Variants in FMO3 observed in about 807,000 individuals in gnomAD.
The protein encoded by FMO3 is flavin-containing monooxygenase 3.
FMO3 carries 40 observed loss-of-function variants against 39.4 expected under a neutral mutation model. The ratio of observed to expected loss-of-function variants is 1.02; its 90% CI spans 0.79 to 1.32. FMO3 has a LOEUF of 1.32. Ranked by LOEUF, FMO3 falls within the 40% of genes most tolerant of loss-of-function variation. The probability of loss-of-function intolerance (pLI) is 0.00; values close to 1 mark genes in which losing one functional copy is unlikely to be tolerated. For synonymous variants in FMO3, 219 were observed against 228.8 expected (o/e 0.96, Z 0.39); for missense variants, 680 against 651.8 (o/e 1.04, Z -0.47).
chr1:171,109,071 A>G (rs2101915059), intron 5 of FMO3, among the ~76,000 whole-genome samples: 1 of 152,314 alleles, frequency 6.6e-6, no homozygotes, highest in South Asian at 2.1e-4. Context: ...AATTTGTATG[A>G]TGCATTATGG....
intron 6 of FMO3, 56 bp downstream of exon 6, chr1:171,111,053 C>G: frequency 5.1e-6 from 7 of 1,377,044 alleles, no homozygotes; most frequent in East Asian, 2.3e-5. Flanking sequence ...TGTCAACAAC[C>G]CTTAATGTCC....
chr1:171,111,899 T>C (rs931759411), intron 6 of FMO3, among the ~76,000 whole-genome samples: 2 of 152,286 alleles, frequency 1.3e-5, no homozygotes. Flanking sequence ...TAAGATCATA[T>C]GGCGATGTGT....
chr1:171,106,447 T>C (rs1388848681), intron 3 of FMO3, among the ~76,000 whole-genome samples: 1 of 152,152 alleles, frequency 6.6e-6, no homozygotes, highest in Non-Finnish European at 1.5e-5. Flanking sequence ...GTCTTAGAAA[T>C]TTTGTAATTG....
At chr1:171,108,336 A>G in intron 5 of FMO3, 115 bp downstream of exon 5, 1 of 1,284,920 alleles carries the variant, frequency 7.8e-7, no homozygotes, top group South Asian at 1.3e-5. Flanking sequence ...TGTAAAGACT[A>G]AGTGGTATTT....
Position 171,116,092 on chromosome 1 carries a change from G to A in FMO3, c.1184-116G>A, listed in dbSNP as rs559268945. On this transcript the variant is annotated intron_variant, in intron 7 of 8. Transcript: ENST00000367755. ...AAGACTAGAACTGAATTTGGTGTCT[G>A]TCTGAAAATGAACACCAATTAATGT... 4.1e-5 allele frequency: 29 copies of A among 710,282 alleles called. 1 individual carries two copies. The highest frequency in any genetic ancestry group is 4.0e-4 in the African/African-American group (23 of 57,186). The allele number at this position is 710,282 out of a possible 1,614,324, so 44.0% of individuals were successfully genotyped here. A position where few individuals can be genotyped will look rare whatever the true frequency, so the allele number is the denominator to read the frequency against.
chr1:171,097,686 T>C (rs1655172938), intron 2 of FMO3, among the ~76,000 whole-genome samples: 1 of 149,516 alleles, frequency 6.7e-6, no homozygotes, highest in Non-Finnish European at 1.5e-5. Flanking sequence ...AGATTCTAGA[T>C]ATTAGCCCTT....
chr1:171,105,061 T>TA (rs201638516), intron 3 of FMO3, among the ~76,000 whole-genome samples: 21,794 of 131,490 alleles, frequency 0.17, 1,961 homozygotes, highest in Non-Finnish European at 0.21. Flanking sequence ...TTTTCTCAAT[T>TA]TTTTAAAAAA....
At chr1:171,110,046 T>A (rs552469977) in intron 5 of FMO3, among the ~76,000 whole-genome samples, 34 of 152,316 alleles carry the variant, frequency 2.2e-4, no homozygotes, top group Admixed American at 5.2e-4. Flanking sequence ...ACATAGTTTA[T>A]CACATCGAAT....
rs529940450 is a variant in FMO3 at position 171,108,188 on chromosome 1, T to A, written c.594T>A (p.Asp198Glu). 120 of 1,613,924 alleles carry A rather than the reference T, an allele frequency of 7.4e-5. No homozygotes were observed. The East Asian group carries it at 2.5e-3, about 34-fold the overall frequency. Residue 198 changes from aspartate (D) to glutamate (E), a missense_variant, in exon 5 of 9, where the codon GAT becomes GAA. By Grantham distance (45) the Asp-to-Glu change is conservative. Transcript: ENST00000367755. ...TTGGCCTGGGGAATTCGGGCTGTGA[T>A]ATTGCCACAGAACTCAGCCGCACAG... ...LVVGLGNSGC[D>E]IATELSRTAE...
intron 7 of FMO3, among the ~76,000 whole-genome samples, chr1:171,114,598 A>G (rs1289905012): frequency 1.3e-5 from 2 of 152,220 alleles, no homozygotes; most frequent in Admixed American, 1.3e-4. Context: ...AACTTCTTAC[A>G]GCTGATAATT....
At chr1:171,107,217 G>T (rs1655682764) in intron 3 of FMO3, among the ~76,000 whole-genome samples, 1 of 152,168 alleles carries the variant, frequency 6.6e-6, no homozygotes, top group Non-Finnish European at 1.5e-5. Context: ...GAGTGTGTTA[G>T]AAATTTGAAT....
intron 2 of FMO3, among the ~76,000 whole-genome samples, chr1:171,101,469 A>C (rs1354437798): frequency 6.6e-6 from 1 of 152,214 alleles, no homozygotes; most frequent in Non-Finnish European, 1.5e-5. Flanking sequence ...TTCACATTAT[A>C]AGATTGTTAT....
chr1:171,093,038 C>T (rs535029890), intron 2 of FMO3, among the ~76,000 whole-genome samples: 2 of 152,114 alleles, frequency 1.3e-5, no homozygotes, highest in South Asian at 4.2e-4. Context: ...ATAAGAGCCA[C>T]TTGGACATAA....
intron 3 of FMO3, among the ~76,000 whole-genome samples, chr1:171,107,256 T>C (rs548822418): frequency 1.3e-5 from 2 of 152,332 alleles, no homozygotes; most frequent in East Asian, 3.9e-4. Flanking sequence ...ATTTAACAAA[T>C]CTAATAATTT....
In FMO3 at chr1:171,102,226, T is replaced by C. The variant is rs190875949; in HGVS notation, c.133-1559T>C. 2.1e-3 allele frequency among the ~76,000 whole-genome samples: 325 copies of C among 152,264 alleles called. 2 individuals are homozygous for C. The highest frequency in any genetic ancestry group is 0.018 in the South Asian group (88 of 4,824). Reference sequence around the variant, plus strand: ...TAATATTCCAATATTATACTAAAATTTCATGTTCTGGGAGCCCTGACAACT... The same window carrying C: ...TAATATTCCAATATTATACTAAAATCTCATGTTCTGGGAGCCCTGACAACT... On this transcript the variant is annotated intron_variant, in intron 2 of 8. Transcript: ENST00000367755.
chr1:171,111,869 G>A (rs1571223539), intron 6 of FMO3, among the ~76,000 whole-genome samples: 1 of 152,306 alleles, frequency 6.6e-6, no homozygotes. Context: ...TAAGTGGTGG[G>A]AAACAGACAA....
intron 6 of FMO3, among the ~76,000 whole-genome samples, chr1:171,111,365 T>C (rs971518564): frequency 1.3e-5 from 2 of 152,110 alleles, no homozygotes; most frequent in African/African-American, 4.8e-5. Flanking sequence ...ATTTTAGAGA[T>C]GAGATAACTG....
At chr1:171,104,710 C>CA (rs1655561566) in intron 3 of FMO3, among the ~76,000 whole-genome samples, 1 of 151,800 alleles carries the variant, frequency 6.6e-6, no homozygotes, top group African/African-American at 2.4e-5. Context: ...CATGTCTCTA[C>CA]AAAAAATACA....
intron 5 of FMO3, among the ~76,000 whole-genome samples, chr1:171,108,980 A>G (rs1655776265): frequency 6.6e-6 from 1 of 152,176 alleles, no homozygotes; most frequent in Non-Finnish European, 1.5e-5. Context: ...AGAGGCAAGA[A>G]GACAAGAAAA....
Sources: gnomAD v4.1 joint callset for allele counts (sites outside exome capture counted in the v4.1 genomes callset) on GRCh38, gnomAD v4.1.1 for gene constraint, MANE v1.5 for transcripts, NCBI Gene and HGNC (gene_info 2026-07-23, HGNC 2026-07-21) for gene names.